The following TRAF3IP1 variants were observed in gnomAD, a reference collection of about 807,000 sequenced individuals.
TRAF3IP1 encodes intraflagellar transport 54.
TRAF3IP1 carries 53 observed loss-of-function variants against 89.9 expected under a neutral mutation model. The ratio of observed to expected loss-of-function variants is 0.59; its 90% CI spans 0.47 to 0.74. TRAF3IP1 has a LOEUF of 0.74. Ranked by LOEUF, TRAF3IP1 falls within the 30% of genes least tolerant of loss-of-function variation. The probability of loss-of-function intolerance (pLI) is 0.00; values close to 1 mark genes in which losing one functional copy is unlikely to be tolerated. For synonymous variants in TRAF3IP1, 311 were observed against 322.1 expected (o/e 0.97, Z 0.37); for missense variants, 806 against 866.1 (o/e 0.93, Z 0.87).
At chr2:238,342,099 A>C (rs1039249400) in intron 8 of TRAF3IP1, among the ~76,000 whole-genome samples, 1 of 151,788 alleles carries the variant, frequency 6.6e-6, no homozygotes, top group Admixed American at 6.6e-5. Flanking sequence ...GGGGATTCTC[A>C]TGTCTCAGCC....
chr2:238,339,270 T>TG (rs929494673), intron 8 of TRAF3IP1, among the ~76,000 whole-genome samples: 10 of 152,074 alleles, frequency 6.6e-5, no homozygotes, highest in Non-Finnish European at 1.5e-4. Context: ...CCAAGTAGGG[T>TG]GACTATATGG....
intron 15 of TRAF3IP1, among the ~76,000 whole-genome samples, chr2:238,381,506 C>T (rs1010835077): frequency 6.6e-6 from 1 of 152,176 alleles, no homozygotes; most frequent in Non-Finnish European, 1.5e-5. Context: ...CTTGCCACCA[C>T]GCTGGAGGCC....
intron 8 of TRAF3IP1, among the ~76,000 whole-genome samples, chr2:238,340,426 G>GC (rs1176120025): frequency 6.6e-6 from 1 of 152,170 alleles, no homozygotes; most frequent in East Asian, 1.9e-4. Flanking sequence ...TGAGCCCTGT[G>GC]CCCATAGCCT....
rs545577571 is a variant in TRAF3IP1 at position 238,380,699 on chromosome 2, A to T, written c.1690-16760A>T. On this transcript the variant is annotated intron_variant, in intron 15 of 16. Transcript: ENST00000373327. ...GATTCACCCCCGGCCCCAAGGTGAG[A>T]TGACCCCAACAATATTTTAAAGGAA... 9.2e-3 allele frequency among the ~76,000 whole-genome samples: 1,402 copies of T among 152,262 alleles called. 4 individuals carry two copies. Among genetic ancestry groups the T allele is most frequent in the Non-Finnish European group, 0.015 (1,015 of 67,994 alleles).
chr2:238,351,702 T>C lies in TRAF3IP1; in HGVS notation c.1452-1125T>C, dbSNP rs1699160819. Among the ~76,000 whole-genome samples the C allele has an allele frequency of 6.6e-6, 1 of 152,108 alleles. No homozygotes were observed. The highest frequency in any genetic ancestry group is 2.4e-5 in the African/African-American group (1 of 41,408). ...CCTGGCGGAGCCACACAGGTGGTTG[T>C]TGAGTGTCTCAAGGACCCAGTTGAG... On this transcript the variant is annotated intron_variant, in intron 12 of 16. Coordinates refer to ENST00000373327, the MANE Select transcript of TRAF3IP1 (RefSeq NM_015650.4). The surrounding 1 kb of genome is among the most constrained non-coding windows in gnomAD (Gnocchi z 5.2).
chr2:238,392,494 G>A lies in TRAF3IP1; in HGVS notation c.1690-4965G>A, dbSNP rs183169271. 2.0e-5 allele frequency among the ~76,000 whole-genome samples: 3 copies of A among 151,966 alleles called. No individual in the cohort carries two copies. The East Asian group carries it at 5.8e-4, about 29-fold the overall frequency. ...TTGTGTAAAAGGAATCCTACAGCAT[G>A]TAACCTCTTGGGATTCACTTTTCTT... On this transcript the variant is annotated intron_variant, in intron 15 of 16. Coordinates refer to ENST00000373327, the MANE Select transcript of TRAF3IP1 (RefSeq NM_015650.4).
chr2:238,328,656 C>T, intron 3 of TRAF3IP1, 30 bp from the exon 4 acceptor site: 1 of 1,603,010 alleles, frequency 6.2e-7, no homozygotes, highest in Non-Finnish European at 8.5e-7. Context: ...TTTCACCTAA[C>T]ACCTCATTTC....
At chr2:238,370,742 C>T (rs1042616401) in intron 15 of TRAF3IP1, among the ~76,000 whole-genome samples, 1 of 152,092 alleles carries the variant, frequency 6.6e-6, no homozygotes, top group African/African-American at 2.4e-5. Context: ...TAGCAGTGGA[C>T]GTTAAGTGCA....
intron 15 of TRAF3IP1, among the ~76,000 whole-genome samples, chr2:238,359,844 G>A (rs1287687404): frequency 2.6e-5 from 4 of 152,156 alleles, no homozygotes; most frequent in Non-Finnish European, 4.4e-5. Flanking sequence ...TTCATGATAC[G>A]TTCCGATGAT....
chr2:238,381,112 T>G (rs1274363274), intron 15 of TRAF3IP1, among the ~76,000 whole-genome samples: 14 of 89,726 alleles, frequency 1.6e-4, no homozygotes, highest in Admixed American at 1.2e-3. Context: ...GATGCTTGGG[T>G]TTTTTTTTTT....
In TRAF3IP1 at chr2:238,353,169, T is replaced by A. The variant is rs768489849; in HGVS notation, c.1576-4T>A. On this transcript the variant is annotated splice_region_variant and splice_polypyrimidine_tract_variant and intron_variant, in intron 13 of 16. Coordinates refer to ENST00000373327, the MANE Select transcript of TRAF3IP1 (RefSeq NM_015650.4). Reference sequence around the variant, plus strand: ...TTCTTTTTCCCCCTTCCTTTCCTGCTCAGGTAACAGCAGTGGAACTAGAAG... The same window carrying A: ...TTCTTTTTCCCCCTTCCTTTCCTGCACAGGTAACAGCAGTGGAACTAGAAG... 1.6e-5 allele frequency: 26 copies of A among 1,614,186 alleles called. No individual in the cohort carries two copies. Among genetic ancestry groups the A allele is most frequent in the Non-Finnish European group, 1.9e-5 (23 of 1,180,028 alleles).
intron 15 of TRAF3IP1, among the ~76,000 whole-genome samples, chr2:238,359,871 A>G (rs1699585747): frequency 6.6e-6 from 1 of 152,250 alleles, no homozygotes; most frequent in South Asian, 2.1e-4. Flanking sequence ...TACTTTATGA[A>G]TTAGGTTCAG....
chr2:238,350,054 G>C (rs1044357998), intron 12 of TRAF3IP1, among the ~76,000 whole-genome samples: 6 of 151,998 alleles, frequency 3.9e-5, no homozygotes, highest in Non-Finnish European at 7.4e-5. Flanking sequence ...CTGGGCGACA[G>C]AGTGAGACTA....
In TRAF3IP1 at chr2:238,329,091, G is replaced by T. The variant is rs1374541418; in HGVS notation, c.664G>T (p.Ala222Ser). 5.2e-6 allele frequency: 8 copies of T among 1,551,146 alleles called. No homozygotes were observed. Among genetic ancestry groups the T allele is most frequent in the African/African-American group, 1.4e-5 (1 of 72,824 alleles). The change falls in exon 5 of 17, where the codon GCC becomes TCC. Residue 222 changes from alanine to serine, a missense_variant. Transcript: ENST00000373327. ...AGAAGGGGAGAGAGAGAGAGCCAAA[G>T]CCCGGGCCAGGCCAGACAACGAGCG... is the stretch of plus-strand genomic sequence containing the variant. ...HREGERERAK[A>S]RARPDNERQK...
In TRAF3IP1 at chr2:238,328,577, A is replaced by T. The variant is rs79384553; in HGVS notation, c.355-109A>T. On this transcript the variant is annotated intron_variant, in intron 3 of 16. Transcript: ENST00000373327. ...TATTTTATCCTTTGAATTTCATTGT[A>T]GACAGAGAATCTGTCTCATGAGCTA... 1.4e-3 allele frequency: 1,826 copies of T among 1,295,298 alleles called. 28 individuals are homozygous for T. In the African/African-American group the frequency reaches 0.025, roughly 18 times the overall value. The allele number at this position is 1,295,298 out of a possible 1,614,324, so 80.2% of individuals were successfully genotyped here.
At chr2:238,331,249 A>G (rs1490372081) in intron 5 of TRAF3IP1, among the ~76,000 whole-genome samples, 2 of 151,414 alleles carry the variant, frequency 1.3e-5, no homozygotes, top group Non-Finnish European at 2.9e-5. Flanking sequence ...TCATGAGGTC[A>G]AGAGATCGAG....
At chr2:238,322,612 G>A (rs1233350278) in intron 1 of TRAF3IP1, among the ~76,000 whole-genome samples, 3 of 150,312 alleles carry the variant, frequency 2.0e-5, no homozygotes, top group South Asian at 4.2e-4. Flanking sequence ...TGCTTGAGCC[G>A]GGAAGGTTGA....
chr2:238,397,417 C>A (rs1402305029), intron 15 of TRAF3IP1, 42 bp from the exon 16 acceptor site: 1 of 1,588,094 alleles, frequency 6.3e-7, no homozygotes, highest in Admixed American at 1.7e-5. Context: ...TGCCTTTGGA[C>A]TGAGGAGGCG....
intron 1 of TRAF3IP1, among the ~76,000 whole-genome samples, chr2:238,323,607 C>G (rs1475039908): frequency 2.0e-5 from 3 of 152,144 alleles, no homozygotes; most frequent in Non-Finnish European, 4.4e-5. Flanking sequence ...AGAGGAGGCT[C>G]TCATTAGGGT....
Sources: gnomAD v4.1 joint callset for allele counts (sites outside exome capture counted in the v4.1 genomes callset) on GRCh38, gnomAD v4.1.1 for gene constraint, Gnocchi (gnomAD v3.1) non-coding constraint, MANE v1.5 for transcripts, NCBI Gene and HGNC (gene_info 2026-07-23, HGNC 2026-07-21) for gene names.